The following SEMA6D variants were observed in gnomAD, a reference collection of about 807,000 sequenced individuals.
SEMA6D encodes the protein semaphorin-6D.
A neutral mutation model predicts 106.6 loss-of-function variants in SEMA6D; 35 were observed. The ratio of observed to expected loss-of-function variants is 0.33; its 90% CI spans 0.25 to 0.44. SEMA6D has a LOEUF of 0.44. Among genes scored for constraint, SEMA6D ranks in the 20% least tolerant of loss-of-function variants. The pLI is 1.00. For missense variants in SEMA6D, 1,185 were observed against 1,345.9 expected, an observed-to-expected ratio of 0.88 and a Z score of 1.87; for synonymous variants, 499 against 487.7, an observed-to-expected ratio of 1.02 and a Z score of -0.31.
chr15:47,676,341 T>G (rs182122961), intron 4 of SEMA6D, among the ~76,000 whole-genome samples: 1 of 152,320 alleles, frequency 6.6e-6, no homozygotes, highest in East Asian at 1.9e-4. Flanking sequence ...CCATCATGTC[T>G]AGTTCTAGGA....
At chr15:47,329,116 T>C (rs1246198152) in intron 1 of SEMA6D, among the ~76,000 whole-genome samples, 1 of 152,202 alleles carries the variant, frequency 6.6e-6, no homozygotes, top group Admixed American at 6.5e-5. Context: ...CATACGCAGC[T>C]GAACAAGACA....
At chr15:47,305,001 CTGAG>C (rs1403141218) in intron 1 of SEMA6D, among the ~76,000 whole-genome samples, 3 of 152,288 alleles carry the variant, frequency 2.0e-5, no homozygotes, top group Admixed American at 1.3e-4. Context: ...AAAGTATATG[CTGAG>C]TGTTGTTATA....
intron 1 of SEMA6D, among the ~76,000 whole-genome samples, chr15:47,291,721 A>T (rs886726117): frequency 2.6e-5 from 4 of 152,124 alleles, no homozygotes; most frequent in African/African-American, 9.7e-5. Flanking sequence ...TCCTTCTAGC[A>T]CTCATATCTT....
At chr15:47,614,874 A>G (rs2076978052) in intron 4 of SEMA6D, among the ~76,000 whole-genome samples, 1 of 152,206 alleles carries the variant, frequency 6.6e-6, no homozygotes, top group East Asian at 1.9e-4. Context: ...GTTAATAACA[A>G]TATCCATCCT....
chr15:47,752,882 G>A (rs1169690719), intron 1 of SEMA6D, among the ~76,000 whole-genome samples: 2 of 151,660 alleles, frequency 1.3e-5, no homozygotes, highest in Admixed American at 6.6e-5. Context: ...GGTGGTGCAC[G>A]CCTGTAATAC....
chr15:47,602,914 C>A (rs2076693275), intron 4 of SEMA6D, among the ~76,000 whole-genome samples: 1 of 152,122 alleles, frequency 6.6e-6, no homozygotes, highest in Non-Finnish European at 1.5e-5. Context: ...GGTGTAATGA[C>A]AAGTGGATAG....
chr15:47,710,012 A>C (rs1197982716), intron 4 of SEMA6D, among the ~76,000 whole-genome samples: 1 of 152,194 alleles, frequency 6.6e-6, no homozygotes, highest in Admixed American at 6.5e-5. Flanking sequence ...ACATGAGGCA[A>C]ATAAGTTCCT....
intron 1 of SEMA6D, among the ~76,000 whole-genome samples, chr15:47,329,051 T>C (rs901449379): frequency 6.6e-6 from 1 of 152,186 alleles, no homozygotes; most frequent in Non-Finnish European, 1.5e-5. Flanking sequence ...ATTCATTCTT[T>C]GGGCAAAAAT....
intron 3 of SEMA6D, among the ~76,000 whole-genome samples, chr15:47,558,861 A>C (rs1164050153): frequency 6.6e-6 from 1 of 152,124 alleles, no homozygotes; most frequent in Non-Finnish European, 1.5e-5. Flanking sequence ...GCAAAAATTA[A>C]AGCCAAAATG....
intron 1 of SEMA6D, among the ~76,000 whole-genome samples, chr15:47,212,571 CTT>C (rs1277366583): frequency 3.3e-5 from 5 of 152,194 alleles, no homozygotes; most frequent in African/African-American, 1.2e-4. Context: ...TCCAGCTTCT[CTT>C]AATAATAAAA....
At chr15:47,397,248 G>T (rs2040240504) in intron 1 of SEMA6D, among the ~76,000 whole-genome samples, 1 of 152,162 alleles carries the variant, frequency 6.6e-6, no homozygotes, top group African/African-American at 2.4e-5. Flanking sequence ...TGGGTTCTGT[G>T]CTCATAGTAG....
chr15:47,241,712 C>G (rs1235642490), intron 1 of SEMA6D, among the ~76,000 whole-genome samples: 1 of 151,052 alleles, frequency 6.6e-6, no homozygotes, highest in African/African-American at 2.4e-5. Context: ...AAAAAAAAAA[C>G]CTCTTAAAAA....
Position 47,695,728 on chromosome 15 carries a change from C to T in SEMA6D, c.-54-64017C>T, listed in dbSNP as rs374150234. On this transcript the variant is annotated intron_variant, in intron 4 of 19. Transcript: ENST00000558014. ...AGTATAGGAAGGGAAAATGAAGAGT[C>T]ACATGACTGAAAGTACAATTGGTGT... Among the ~76,000 whole-genome samples the T allele has an allele frequency of 5.3e-5, 8 of 152,276 alleles. No individual in the cohort carries two copies. The South Asian group carries it at 1.7e-3, about 32-fold the overall frequency.
intron 1 of SEMA6D, among the ~76,000 whole-genome samples, chr15:47,722,094 G>A (rs559815973): frequency 2.6e-4 from 39 of 152,220 alleles, no homozygotes; most frequent in African/African-American, 8.9e-4. Context: ...CAGTTCTGGG[G>A]TCACAGCTAC....
chr15:47,452,186 A>G (rs1258752642), intron 2 of SEMA6D, among the ~76,000 whole-genome samples: 1 of 152,004 alleles, frequency 6.6e-6, no homozygotes, highest in Non-Finnish European at 1.5e-5. Flanking sequence ...AAAACAAAAC[A>G]AAACTCACTA....
chr15:47,449,007 T>C (rs1212855186), intron 2 of SEMA6D, among the ~76,000 whole-genome samples: 2 of 152,072 alleles, frequency 1.3e-5, no homozygotes, highest in African/African-American at 4.8e-5. Flanking sequence ...TGAGAATTGC[T>C]AACATATTTC....
chr15:47,311,928 GCT>G (rs748202901), intron 1 of SEMA6D, among the ~76,000 whole-genome samples: 7 of 152,132 alleles, frequency 4.6e-5, no homozygotes, highest in African/African-American at 1.4e-4. Context: ...ATTTCCTGAA[GCT>G]CTGTGTAAGG....
chr15:47,598,671 G>C (rs1159557248), intron 3 of SEMA6D, among the ~76,000 whole-genome samples: 1 of 152,062 alleles, frequency 6.6e-6, no homozygotes, highest in African/African-American at 2.4e-5. Flanking sequence ...AGCTGTAAGT[G>C]GTAAGGGTTC....
chr15:47,395,393 C>G (rs1595897248), intron 1 of SEMA6D, among the ~76,000 whole-genome samples: 1 of 152,202 alleles, frequency 6.6e-6, no homozygotes, highest in African/African-American at 2.4e-5. Context: ...TGGAACAGAG[C>G]AAGCCCTGGT....
Sources: gnomAD v4.1 joint callset for allele counts (sites outside exome capture counted in the v4.1 genomes callset) on GRCh38, gnomAD v4.1.1 for gene constraint, MANE v1.5 for transcripts, NCBI Gene and HGNC (gene_info 2026-07-23, HGNC 2026-07-21) for gene names.